BMP5: variants seen among roughly 807,000 people sequenced by gnomAD.
BMP5 encodes bone morphogenetic protein 5.
In BMP5, 23 loss-of-function variants were observed where a neutral mutation model predicts 46.6. The ratio of observed to expected loss-of-function variants is 0.49; its 90% CI spans 0.35 to 0.70. The LOEUF is 0.70. Ranked by LOEUF, BMP5 falls within the 30% of genes least tolerant of loss-of-function variation. The probability of loss-of-function intolerance (pLI) is 0.00; values close to 1 mark genes in which losing one functional copy is unlikely to be tolerated. For missense variants in BMP5, 545 were observed against 565.6 expected (o/e 0.96, Z 0.37); for synonymous variants, 204 against 191.9 (o/e 1.06, Z -0.52).
rs763204196 is a variant in BMP5 at position 55,755,608 on chromosome 6, C to A, written c.1290G>T (p.Leu430=). 6.2e-7 allele frequency: 1 copy of A among 1,612,186 alleles called. No individual in the cohort carries two copies. The highest frequency in any genetic ancestry group is 1.1e-5 in the South Asian group (1 of 91,022). ...APTKLNAISV[L]YFDDSSNVIL... is the part of the protein sequence containing the mutation. ...TGACATTGGAGCTGTCATCAAAGTA[C>A]AGAACAGAGATGGCATTTAATTTGG... Residue 430 remains leucine, a synonymous_variant, in exon 7 of 7, where the codon CTG becomes CTT. Coordinates refer to ENST00000370830, the MANE Select transcript of BMP5 (RefSeq NM_021073.4).
intron 1 of BMP5, among the ~76,000 whole-genome samples, chr6:55,864,871 A>G (rs578188473): frequency 2.0e-5 from 3 of 152,138 alleles, no homozygotes; most frequent in African/African-American, 7.2e-5. Context: ...ATAACAACTC[A>G]AGATAATTAA....
intron 4 of BMP5, among the ~76,000 whole-genome samples, chr6:55,770,642 C>A (rs552472431): frequency 1.3e-5 from 2 of 152,056 alleles, no homozygotes; most frequent in South Asian, 4.1e-4. Flanking sequence ...GCACAAGAGG[C>A]CTAGCTTTCA....
intron 1 of BMP5, among the ~76,000 whole-genome samples, chr6:55,841,921 A>ATT (rs901371872): frequency 2.0e-5 from 3 of 151,680 alleles, no homozygotes; most frequent in Admixed American, 6.6e-5. Context: ...AGAGACAGAG[A>ATT]GAGAGAGAGA....
intron 3 of BMP5, among the ~76,000 whole-genome samples, chr6:55,790,206 A>G (rs1191963454): frequency 1.3e-5 from 2 of 152,328 alleles, no homozygotes; most frequent in Admixed American, 6.5e-5. Flanking sequence ...TGGTTTAGTT[A>G]CTAATTCCAA....
chr6:55,764,581 A>AG (rs1774874880), intron 4 of BMP5, among the ~76,000 whole-genome samples: 1 of 150,916 alleles, frequency 6.6e-6, no homozygotes, highest in Non-Finnish European at 1.5e-5. Context: ...CAAAAAAAAA[A>AG]AAAAAAGAAA....
intron 1 of BMP5, among the ~76,000 whole-genome samples, chr6:55,836,773 G>C (rs902999121): frequency 5.9e-5 from 9 of 152,042 alleles, no homozygotes; most frequent in Non-Finnish European, 1.5e-5. Flanking sequence ...TCACACAGCT[G>C]TACTTTCATG....
chr6:55,795,672 T>A (rs761388484), intron 2 of BMP5, among the ~76,000 whole-genome samples: 6 of 152,144 alleles, frequency 3.9e-5, no homozygotes, highest in Non-Finnish European at 8.8e-5. Flanking sequence ...CTTCGTTTCT[T>A]AACTAGATTT....
intron 2 of BMP5, among the ~76,000 whole-genome samples, chr6:55,797,614 CTTTT>C (rs60366569): frequency 1.8e-5 from 2 of 110,594 alleles, no homozygotes; most frequent in African/African-American, 3.7e-5. Flanking sequence ...ATTTTCTTTT[CTTTT>C]TTTTTTTTTT....
chr6:55,853,217 T>TAAAATAAAATAAA (rs1162951620), intron 1 of BMP5, among the ~76,000 whole-genome samples: 3 of 115,870 alleles, frequency 2.6e-5, no homozygotes, highest in Non-Finnish European at 4.0e-5. Context: ...TAAAATAAAA[T>TAAAATAAAATAAA]AAGATAAAAT....
At chr6:55,868,152 C>T (rs201914324) in intron 1 of BMP5, among the ~76,000 whole-genome samples, 1 of 152,076 alleles carries the variant, frequency 6.6e-6, no homozygotes, top group East Asian at 1.9e-4. Context: ...TAAATCTTTT[C>T]TTGATTTAGA....
chr6:55,762,358 T>C (rs886567910), intron 4 of BMP5, among the ~76,000 whole-genome samples: 5 of 152,276 alleles, frequency 3.3e-5, no homozygotes, highest in Middle Eastern at 3.4e-3. Flanking sequence ...GAGCCCATCA[T>C]AGAGGGCCTT....
chr6:55,819,525 C>T, intron 2 of BMP5, 130 bp downstream of exon 2: 1 of 762,924 alleles, frequency 1.3e-6, no homozygotes, highest in African/African-American at 1.7e-5. Flanking sequence ...ATATCTCTAC[C>T]TGGCTCTAAA....
intron 4 of BMP5, among the ~76,000 whole-genome samples, chr6:55,764,136 C>G (rs1774854202): frequency 6.6e-6 from 1 of 152,126 alleles, no homozygotes; most frequent in East Asian, 1.9e-4. Flanking sequence ...CAAAGGAAAT[C>G]AATAAGTTGA....
At chr6:55,790,895 G>T (rs1388494197) in intron 3 of BMP5, among the ~76,000 whole-genome samples, 1 of 152,006 alleles carries the variant, frequency 6.6e-6, no homozygotes, top group African/African-American at 2.4e-5. Context: ...CAGTATTAGG[G>T]CACTTTGTTA....
At chr6:55,841,951 A>G (rs1776971633) in intron 1 of BMP5, among the ~76,000 whole-genome samples, 2 of 149,096 alleles carry the variant, frequency 1.3e-5, no homozygotes, top group Non-Finnish European at 3.0e-5. Flanking sequence ...AGATTTTTCT[A>G]TCCTTAAACA....
chr6:55,756,644 A>C (rs1401805546), intron 6 of BMP5, among the ~76,000 whole-genome samples: 1 of 151,894 alleles, frequency 6.6e-6, no homozygotes, highest in Non-Finnish European at 1.5e-5. Flanking sequence ...TGGCTGTACA[A>C]CGTCCTGGCT....
At chr6:55,761,649 C>T (rs1774783259) in intron 4 of BMP5, among the ~76,000 whole-genome samples, 3 of 152,104 alleles carry the variant, frequency 2.0e-5, no homozygotes, top group Non-Finnish European at 2.9e-5. Context: ...CATGTCCTTG[C>T]TTAAGCAACA....
rs943055484 is a variant in BMP5, at chr6:55,774,044, C to G, written c.1027+5G>C. The G allele has an allele frequency of 1.2e-6, 2 of 1,611,988 alleles. No homozygotes were observed. Among genetic ancestry groups the G allele is most frequent in the Non-Finnish European group, 8.5e-7 (1 of 1,179,100 alleles). On this transcript the variant is annotated splice_donor_5th_base_variant and intron_variant, in intron 4 of 6. Transcript: ENST00000370830. ...TGCATAACTGCTGCTCGGGTTTATT[C>G]TTACCTCCAACACTGGACATTCTGG...
intron 1 of BMP5, among the ~76,000 whole-genome samples, chr6:55,869,122 A>G (rs1777719146): frequency 6.6e-6 from 1 of 152,136 alleles, no homozygotes; most frequent in Non-Finnish European, 1.5e-5. Context: ...TACATTATTT[A>G]TGACTGTAAA....
Sources: gnomAD v4.1 joint callset for allele counts (sites outside exome capture counted in the v4.1 genomes callset) on GRCh38, gnomAD v4.1.1 for gene constraint, MANE v1.5 for transcripts, NCBI Gene and HGNC (gene_info 2026-07-23, HGNC 2026-07-21) for gene names.